PATJ: variants seen among roughly 807,000 people sequenced by gnomAD.
PATJ encodes the protein PATJ crumbs cell polarity complex component, also known as inaD-like protein.
A neutral mutation model predicts 224.9 loss-of-function variants in PATJ; 190 were observed. The ratio of observed to expected loss-of-function variants is 0.84; its 90% confidence interval spans 0.75 to 0.95. The LOEUF (loss-of-function observed/expected upper bound fraction) is 0.95, where lower values mean the gene tolerates loss of function less well. PATJ is among the 40% of genes least tolerant of loss of function. The pLI is 0.00. For synonymous variants in PATJ, 769 were observed against 820.3 expected, an observed-to-expected ratio of 0.94 and a Z score of 1.07; for missense variants, 2,121 against 2,270.3, an observed-to-expected ratio of 0.93 and a Z score of 1.34.
At chr1:61,814,543 T>TGCGC (rs1444580435) in intron 14 of PATJ, among the ~76,000 whole-genome samples, 1 of 138,786 alleles carries the variant, frequency 7.2e-6, no homozygotes, top group African/African-American at 2.9e-5. Context: ...TGTGTGTGTG[T>TGCGC]GTGTGCGCGC....
chr1:62,106,429 C>T (rs942129594), intron 33 of PATJ, among the ~76,000 whole-genome samples: 6 of 151,230 alleles, frequency 4.0e-5, no homozygotes, highest in African/African-American at 1.5e-4. Flanking sequence ...TATGATTGAG[C>T]CACTGCACTC....
chr1:61,881,113 A>G (rs888899354), intron 21 of PATJ, among the ~76,000 whole-genome samples: 1 of 152,172 alleles, frequency 6.6e-6, no homozygotes, highest in African/African-American at 2.4e-5. Context: ...ATAAAATAAA[A>G]TCTATCTACA....
intron 20 of PATJ, among the ~76,000 whole-genome samples, chr1:61,874,556 ACT>A (rs1667098389): frequency 6.6e-6 from 1 of 152,030 alleles, no homozygotes; most frequent in South Asian, 2.1e-4. Flanking sequence ...TGCCCTCATA[ACT>A]CTATCACCCC....
chr1:62,082,633 T>A (rs1267419362), intron 32 of PATJ, among the ~76,000 whole-genome samples: 3 of 152,178 alleles, frequency 2.0e-5, no homozygotes, highest in Admixed American at 1.3e-4. Context: ...CAACCGCTAT[T>A]GCAGTTACTC....
intron 29 of PATJ, among the ~76,000 whole-genome samples, chr1:62,024,829 CAATAT>C: frequency 6.6e-6 from 1 of 152,206 alleles, no homozygotes; most frequent in Non-Finnish European, 1.5e-5. Context: ...TACATTTTGG[CAATAT>C]GATACCTTAG....
intron 33 of PATJ, among the ~76,000 whole-genome samples, chr1:62,106,154 GTGTGTATATA>G (rs1404633092): frequency 4.1e-5 from 2 of 48,462 alleles, no homozygotes; most frequent in African/African-American, 1.7e-4. Context: ...ATGTGTGTGT[GTGTGTATATA>G]TATATATATA....
intron 9 of PATJ, among the ~76,000 whole-genome samples, chr1:61,793,179 C>T (rs1434748569): frequency 1.3e-5 from 2 of 152,058 alleles, no homozygotes; most frequent in Non-Finnish European, 2.9e-5. Context: ...TTTCAAGTGA[C>T]TCTTGTGCCT....
chr1:61,774,180 A>G lies in PATJ; in HGVS notation c.721-1026A>G, dbSNP rs149608600. 8.2e-3 allele frequency among the ~76,000 whole-genome samples: 1,237 copies of G among 151,262 alleles called. 26 individuals carry two copies. Among genetic ancestry groups the G allele is most frequent in the African/African-American group, 0.028 (1,170 of 41,202 alleles). On this transcript the variant is annotated intron_variant, in intron 6 of 43. Transcript: ENST00000642238. ...GTGGTACATGCCTGTAGTCCCAGCT[A>G]TTTGGGAGGCTGAGGCTGGAGGATG...
chr1:62,100,441 G>C, intron 33 of PATJ: 1 of 716,266 alleles, frequency 1.4e-6, no homozygotes, highest in Non-Finnish European at 2.6e-6. Context: ...GAGGGGGGCT[G>C]AACTCTTTTT....
At chr1:62,113,245 G>A (rs2476189) in intron 34 of PATJ, among the ~76,000 whole-genome samples, 79,786 of 152,032 alleles carry the variant, frequency 0.52, 21,835 homozygotes, top group Non-Finnish European at 0.6. Context: ...CCAGATTCCA[G>A]TGAGAAGACT....
chr1:62,045,972 C>T (rs929975163), intron 30 of PATJ, among the ~76,000 whole-genome samples: 1 of 151,902 alleles, frequency 6.6e-6, no homozygotes, highest in East Asian at 1.9e-4. Flanking sequence ...AGGCTAGGAC[C>T]GAAGGAGTGC....
intron 28 of PATJ, among the ~76,000 whole-genome samples, chr1:61,993,559 C>G (rs1016928413): frequency 1.3e-5 from 2 of 152,040 alleles, no homozygotes; most frequent in Non-Finnish European, 2.9e-5. Context: ...CCAAGAGTTG[C>G]CTCATTAGAA....
At chr1:62,025,848 G>T (rs984570478) in intron 29 of PATJ, among the ~76,000 whole-genome samples, 20 of 152,152 alleles carry the variant, frequency 1.3e-4, no homozygotes, top group African/African-American at 4.8e-4. Context: ...TAAATAAAAG[G>T]CTCTCTTTGA....
At chr1:61,999,095 T>TA (rs58825900) in intron 28 of PATJ, among the ~76,000 whole-genome samples, 22,691 of 149,972 alleles carry the variant, frequency 0.15, 2,041 homozygotes, top group Non-Finnish European at 0.21. Context: ...AGAAATCTGT[T>TA]AAAAAAAAAA....
intron 33 of PATJ, among the ~76,000 whole-genome samples, chr1:62,095,412 T>C (rs1352076049): frequency 1.3e-5 from 2 of 152,226 alleles, no homozygotes; most frequent in African/African-American, 2.4e-5. Flanking sequence ...GTGGAGAAGA[T>C]AAGTAACTTT....
At chr1:62,122,677 T>C (rs575209225) in intron 38 of PATJ, among the ~76,000 whole-genome samples, 1 of 152,004 alleles carries the variant, frequency 6.6e-6, no homozygotes, top group East Asian at 1.9e-4. Context: ...ATACAAAAAT[T>C]AGCCGGGCGT....
intron 7 of PATJ, among the ~76,000 whole-genome samples, chr1:61,785,242 G>A (rs954390032): frequency 7.2e-5 from 11 of 152,142 alleles, no homozygotes; most frequent in African/African-American, 2.7e-4. Flanking sequence ...CCATGTTGCA[G>A]GATATCTATT....
Position 61,908,415 on chromosome 1 carries a change from T to C in PATJ, c.3425T>C (p.Val1142Ala). ...DLQNASHSEA[V>A]EAIKNAGNPV... is the part of the protein sequence containing the mutation. ...CAGAATGCCTCACACAGCGAAGCAG[T>C]TGAGGCCATTAAGAATGCAGGAAAC... is the stretch of plus-strand genomic sequence containing the variant. Residue 1142 changes from valine (V) to alanine (A), a missense_variant, in exon 25 of 44, where the codon GTT becomes GCT. Coordinates refer to ENST00000642238, the MANE Select transcript of PATJ (RefSeq NM_001350145.3). 6.2e-7 allele frequency: 1 copy of C among 1,613,962 alleles called. No homozygotes were observed. The highest frequency in any genetic ancestry group is 1.3e-5 in the African/African-American group (1 of 75,052).
chr1:62,117,711 G>T (rs1450235781), intron 37 of PATJ, among the ~76,000 whole-genome samples: 1 of 152,122 alleles, frequency 6.6e-6, no homozygotes, highest in Non-Finnish European at 1.5e-5. Flanking sequence ...ATATTTTGTG[G>T]GTTAGCAAAC....
Sources: allele counts gnomAD v4.1 joint callset (sites outside exome capture counted in the v4.1 genomes callset), GRCh38; gene constraint gnomAD v4.1.1; transcripts MANE v1.5; gene names NCBI Gene and HGNC (gene_info 2026-07-23, HGNC 2026-07-21).